The following NUP133 variants were observed in gnomAD, a reference collection of about 807,000 sequenced individuals.
The protein encoded by NUP133 is nuclear pore complex protein Nup133.
NUP133 carries 66 observed loss-of-function variants against 146.2 expected under a neutral mutation model. That is an observed-to-expected ratio of 0.45 (90% CI 0.37 to 0.55). NUP133 has a LOEUF of 0.55. Ranked by LOEUF, NUP133 falls within the 20% of genes least tolerant of loss-of-function variation. The pLI, the probability that NUP133 is intolerant of heterozygous loss-of-function variation, is 0.00. For synonymous variants in NUP133, 521 were observed against 498.8 expected, an observed-to-expected ratio of 1.04 and a Z score of -0.59; for missense variants, 1,277 against 1,374.8, an observed-to-expected ratio of 0.93 and a Z score of 1.12.
intron 24 of NUP133, among the ~76,000 whole-genome samples, chr1:229,447,467 T>C (rs570379966): frequency 4.4e-4 from 67 of 151,744 alleles, no homozygotes; most frequent in Non-Finnish European, 8.2e-4. Flanking sequence ...TCCATAGATG[T>C]CTTTTTTTTT....
chr1:229,466,549 TAC>T, intron 16 of NUP133, 83 bp downstream of exon 16: 1 of 1,453,756 alleles, frequency 6.9e-7, no homozygotes, highest in Non-Finnish European at 9.5e-7. Flanking sequence ...TTATCGGCAA[TAC>T]AGAGTAGGAA....
chr1:229,464,147 C>CA lies in NUP133; in HGVS notation c.2552-472dup, dbSNP rs530214804. On this transcript the variant is annotated intron_variant, in intron 18 of 25. Transcript: ENST00000261396. ...GCGAGAGAGTGACGCTCTGTCTCAA[C>CA]AAAAAAAAAAGATGCAAATTCAGAC... Among the ~76,000 whole-genome samples, 220 of 146,416 alleles carry CA rather than the reference C, an allele frequency of 1.5e-3. 1 individual carries two copies. Among genetic ancestry groups the CA allele is most frequent in the Middle Eastern group, 3.5e-3 (1 of 282 alleles).
At chr1:229,487,136 G>C (rs1661371684) in intron 10 of NUP133, among the ~76,000 whole-genome samples, 1 of 152,068 alleles carries the variant, frequency 6.6e-6, no homozygotes, top group African/African-American at 2.4e-5. Context: ...ATCTAGGGGT[G>C]TGGAAAAGTT....
chr1:229,500,609 A>ATG (rs1167962755), intron 4 of NUP133, 147 bp downstream of exon 4: 1 of 535,842 alleles, frequency 1.9e-6, no homozygotes, highest in Admixed American at 3.1e-5. Flanking sequence ...ACACTGACCT[A>ATG]TGTGTGTAGC....
At chr1:229,501,849 T>C in intron 3 of NUP133, 150 bp downstream of exon 3, 1 of 591,980 alleles carries the variant, frequency 1.7e-6, no homozygotes, top group South Asian at 2.2e-5. Flanking sequence ...GCATGCTCAT[T>C]ATTTCACATC....
intron 18 of NUP133, 42 bp downstream of exon 18, chr1:229,464,582 A>C: frequency 6.2e-7 from 1 of 1,602,642 alleles, no homozygotes; most frequent in Non-Finnish European, 8.5e-7. Context: ...CCTTTCATCC[A>C]TTCAGCAAAT....
Position 229,496,755 on chromosome 1 carries a change from G to C in NUP133, c.820-708C>G, listed in dbSNP as rs560913314. On this transcript the variant is annotated intron_variant, in intron 6 of 25. Coordinates refer to ENST00000261396, the MANE Select transcript of NUP133 (RefSeq NM_018230.3). Reference sequence around the variant, plus strand: ...CCAACACTTTGGGATACCAAGGAGGGAGGCTCATTTGAGCTCAGGAGCTTG... The same window carrying C: ...CCAACACTTTGGGATACCAAGGAGGCAGGCTCATTTGAGCTCAGGAGCTTG... Among the ~76,000 whole-genome samples, 5 of 152,298 alleles carry C rather than the reference G, an allele frequency of 3.3e-5. No individual in the cohort carries two copies. In the East Asian group the frequency reaches 9.6e-4, roughly 29 times the overall value.
intron 14 of NUP133, among the ~76,000 whole-genome samples, chr1:229,474,127 G>T (rs543062009): frequency 6.6e-6 from 1 of 152,264 alleles, no homozygotes; most frequent in African/African-American, 2.4e-5. Flanking sequence ...GCGACTAAAT[G>T]GAGGAGAACC....
At chr1:229,463,469 GA>G (rs1437371229) in intron 19 of NUP133, 73 bp downstream of exon 19, 1 of 1,481,926 alleles carries the variant, frequency 6.7e-7, no homozygotes, top group Non-Finnish European at 9.1e-7. Flanking sequence ...CCTGATTACA[GA>G]TTTGAAATGG....
chr1:229,447,056 G>A (rs1204903089), intron 24 of NUP133, among the ~76,000 whole-genome samples: 1 of 152,064 alleles, frequency 6.6e-6, no homozygotes, highest in Non-Finnish European at 1.5e-5. Flanking sequence ...TCCGGGAGGC[G>A]GAGGTTGTGG....
intron 12 of NUP133, among the ~76,000 whole-genome samples, chr1:229,478,019 CA>C (rs560296214): frequency 2.6e-5 from 4 of 151,988 alleles, no homozygotes; most frequent in African/African-American, 9.7e-5. Context: ...TCACAACATA[CA>C]AAAAAGATGA....
chr1:229,474,769 C>T (rs893093401), intron 14 of NUP133, among the ~76,000 whole-genome samples: 2 of 151,944 alleles, frequency 1.3e-5, no homozygotes, highest in African/African-American at 4.8e-5. Flanking sequence ...AAAAATTAGC[C>T]GGGTGTGGTA....
chr1:229,497,733 T>C (rs559466098), intron 6 of NUP133, among the ~76,000 whole-genome samples: 5 of 152,324 alleles, frequency 3.3e-5, no homozygotes, highest in South Asian at 2.1e-4. Context: ...CATCTTCCCT[T>C]CACTATGCTA....
chr1:229,449,874 T>TATATATATATATGTA (rs1491123491), intron 23 of NUP133, among the ~76,000 whole-genome samples: 1 of 78,016 alleles, frequency 1.3e-5, no homozygotes, highest in African/African-American at 5.3e-5. Flanking sequence ...TATATATATA[T>TATATATATATATGTA]TTTTTTTTTT....
At chr1:229,480,586 TA>T (rs748043162) in intron 12 of NUP133, among the ~76,000 whole-genome samples, 1 of 152,196 alleles carries the variant, frequency 6.6e-6, no homozygotes, top group African/African-American at 2.4e-5. Context: ...CAGTCACACT[TA>T]AAAGTGTTAT....
intron 8 of NUP133, among the ~76,000 whole-genome samples, chr1:229,490,942 C>G (rs1433730790): frequency 6.8e-6 from 1 of 147,974 alleles, no homozygotes; most frequent in Non-Finnish European, 1.5e-5. Flanking sequence ...TAGAGTGACA[C>G]CCCATCTTAA....
At chr1:229,466,502 C>T (rs1660830899) in intron 16 of NUP133, 132 bp downstream of exon 16, 1 of 868,322 alleles carries the variant, frequency 1.2e-6, no homozygotes, top group Non-Finnish European at 1.7e-6. Flanking sequence ...ATTTTTCTAA[C>T]TTTTTTGGGA....
intron 19 of NUP133, among the ~76,000 whole-genome samples, chr1:229,463,218 G>A (rs750443037): frequency 1.3e-5 from 2 of 152,046 alleles, no homozygotes; most frequent in Non-Finnish European, 2.9e-5. Context: ...GCGAGACTTT[G>A]TCTCTACTGA....
At chr1:229,469,917 T>G (rs934707826) in intron 15 of NUP133, among the ~76,000 whole-genome samples, 2 of 152,158 alleles carry the variant, frequency 1.3e-5, no homozygotes, top group African/African-American at 4.8e-5. Context: ...TCCCAGCTAC[T>G]TGGGAGGCTG....
Sources: allele counts gnomAD v4.1 joint callset (sites outside exome capture counted in the v4.1 genomes callset), GRCh38; gene constraint gnomAD v4.1.1; transcripts MANE v1.5; gene names NCBI Gene and HGNC (gene_info 2026-07-23, HGNC 2026-07-21).